Variants in NBEA observed in about 807,000 individuals in gnomAD.
The protein encoded by NBEA is neurobeachin, also known as lysosomal-trafficking regulator 2.
Under a neutral mutation model 343.4 loss-of-function variants are expected in NBEA, and 44 were observed. That is an observed-to-expected ratio of 0.13 (90% CI 0.10 to 0.16). The LOEUF (loss-of-function observed/expected upper bound fraction) is 0.16. Ranked by LOEUF, NBEA falls within the 10% of genes least tolerant of loss-of-function variation. The pLI is 1.00. For missense variants in NBEA, 2,555 were observed against 3,631.3 expected (o/e 0.70, Z 7.62); for synonymous variants, 1,175 against 1,238.7 (o/e 0.95, Z 1.08).
chr13:35,148,235 G>A (rs148579326), intron 18 of NBEA, among the ~76,000 whole-genome samples: 18 of 152,276 alleles, frequency 1.2e-4, no homozygotes, highest in African/African-American at 4.1e-4. Flanking sequence ...GGGAGTGTGG[G>A]TGTACTCAAG....
chr13:34,987,918 C>G (rs2060613225), intron 1 of NBEA, among the ~76,000 whole-genome samples: 1 of 150,800 alleles, frequency 6.6e-6, no homozygotes, highest in Non-Finnish European at 1.5e-5. Flanking sequence ...AGGTTTTTAG[C>G]TTCCTTGCAA....
intron 1 of NBEA, among the ~76,000 whole-genome samples, chr13:34,997,710 C>T (rs1263711057): frequency 1.3e-5 from 2 of 152,146 alleles, no homozygotes; most frequent in African/African-American, 4.8e-5. Flanking sequence ...AAGATTCTCA[C>T]TTTTGAGGCT....
chr13:35,600,986 G>A (rs151276426), intron 47 of NBEA, among the ~76,000 whole-genome samples: 182 of 152,244 alleles, frequency 1.2e-3, no homozygotes, highest in African/African-American at 4.2e-3. Flanking sequence ...ACACTAGCCT[G>A]GCCAACATGG....
At chr13:34,950,671 A>G (rs1593263033) in intron 1 of NBEA, among the ~76,000 whole-genome samples, 1 of 152,118 alleles carries the variant, frequency 6.6e-6, no homozygotes, top group East Asian at 1.9e-4. Context: ...AAAAATGTTT[A>G]CTTGTCAAAG....
intron 36 of NBEA, among the ~76,000 whole-genome samples, chr13:35,346,036 A>T (rs1375176813): frequency 1.3e-5 from 2 of 152,104 alleles, no homozygotes; most frequent in African/African-American, 4.8e-5. Flanking sequence ...GGCAGAACTC[A>T]TAAGTGCCCA....
intron 57 of NBEA, 23 bp from the exon 58 acceptor site, chr13:35,668,345 T>G: frequency 6.4e-7 from 1 of 1,553,702 alleles, no homozygotes; most frequent in Non-Finnish European, 8.7e-7. Flanking sequence ...TTTTTTTGTT[T>G]GTTTGTTTTA....
rs567971075 is a variant in NBEA, at chr13:35,047,410, G to A, written c.724-1153G>A. On this transcript the variant is annotated intron_variant, in intron 4 of 58. Transcript: ENST00000379939. ...AGTTATAAATGATACTGTAGATTTA[G>A]GTATGGGAACAAAACTATGGGAACA... Among the ~76,000 whole-genome samples, 8 of 152,002 alleles carry A rather than the reference G, an allele frequency of 5.3e-5. No homozygotes were observed. The South Asian group carries it at 1.7e-3, about 32-fold the overall frequency.
At chr13:35,506,189 AGTAGC>A (rs2077066224) in intron 41 of NBEA, among the ~76,000 whole-genome samples, 1 of 152,164 alleles carries the variant, frequency 6.6e-6, no homozygotes, top group Non-Finnish European at 1.5e-5. Flanking sequence ...CAGCCTTCAG[AGTAGC>A]TGGGACTACA....
At chr13:35,358,753 T>C (rs978104824) in intron 38 of NBEA, among the ~76,000 whole-genome samples, 13 of 152,044 alleles carry the variant, frequency 8.6e-5, no homozygotes, top group African/African-American at 3.1e-4. Flanking sequence ...GATATAAAAC[T>C]TTGGCAAATG....
intron 1 of NBEA, among the ~76,000 whole-genome samples, chr13:35,020,433 CTT>C (rs1311981222): frequency 1.3e-5 from 2 of 152,066 alleles, no homozygotes; most frequent in Non-Finnish European, 2.9e-5. Context: ...TTCTTGTACG[CTT>C]TTAGAAGGCT....
At position 35,070,043 on chromosome 13, in the gene NBEA, G is replaced by A; in HGVS notation, c.1375G>A (p.Glu459Lys). The stretch of plus-strand genomic sequence containing the variant: ...GGCCACTGATGCTCAGCTCTGCCTG[G>A]AATCATCACCAAAAGAGAATGCATC... Reference protein sequence around the residue: ...AKATDAQLCLESSPKENASIF... With the variant: ...AKATDAQLCLKSSPKENASIF... Residue 459 changes from glutamate (E) to lysine (K), a missense_variant, in exon 9 of 59, where the codon GAA (glutamate) becomes AAA (lysine). This residue lies in a region of NBEA where 75 missense variants were observed against 237.4 expected (regional missense o/e 0.32). Coordinates refer to ENST00000379939, the MANE Select transcript of NBEA (RefSeq NM_001385012.1). 1 of 1,604,740 alleles carries A rather than the reference G, an allele frequency of 6.2e-7. No homozygotes were observed. Among genetic ancestry groups the A allele is most frequent in the Non-Finnish European group, 8.5e-7 (1 of 1,175,896 alleles).
At chr13:35,067,170 G>C (rs747934495) in intron 8 of NBEA, among the ~76,000 whole-genome samples, 1 of 152,104 alleles carries the variant, frequency 6.6e-6, no homozygotes, top group Non-Finnish European at 1.5e-5. Context: ...TAAAGAAGCT[G>C]AGAGAAGAAA....
chr13:35,074,491 C>G (rs1301218350), intron 10 of NBEA, among the ~76,000 whole-genome samples: 1 of 152,036 alleles, frequency 6.6e-6, no homozygotes, highest in Non-Finnish European at 1.5e-5. Context: ...ATTAAAAATA[C>G]ACCAGGAGAA....
intron 1 of NBEA, among the ~76,000 whole-genome samples, chr13:34,962,548 G>C (rs541899704): frequency 6.6e-6 from 1 of 152,026 alleles, no homozygotes; most frequent in African/African-American, 2.4e-5. Flanking sequence ...AATTGAAAAC[G>C]TTACAGAGTT....
intron 38 of NBEA, among the ~76,000 whole-genome samples, chr13:35,416,699 C>T (rs9544293): frequency 0.49 from 73,749 of 151,674 alleles, 19,408 homozygotes; most frequent in African/African-American, 0.69. Context: ...AAAATTCTCT[C>T]TTTTTTGTTG....
At chr13:35,661,303 T>C (rs531602142) in intron 55 of NBEA, among the ~76,000 whole-genome samples, 28 of 152,200 alleles carry the variant, frequency 1.8e-4, no homozygotes, top group Non-Finnish European at 3.7e-4. Context: ...AGTAATGTAC[T>C]GTGACCTAGA....
In NBEA at chr13:35,025,826, G is replaced by A. The variant is rs552380517; in HGVS notation, c.295-15107G>A. ...TTTACAGACTCAGGTTATTATATTA[G>A]GTTATTCTAATGATCAGTGAGAGGT... On this transcript the variant is annotated intron_variant, in intron 1 of 58. Coordinates refer to ENST00000379939, the MANE Select transcript of NBEA (RefSeq NM_001385012.1). Among the ~76,000 whole-genome samples, 5 of 152,012 alleles carry A rather than the reference G, an allele frequency of 3.3e-5. No individual in the cohort carries two copies. The South Asian group carries it at 1.0e-3, about 32-fold the overall frequency.
chr13:35,014,348 C>A (rs1408974461), intron 1 of NBEA, among the ~76,000 whole-genome samples: 1 of 152,112 alleles, frequency 6.6e-6, no homozygotes, highest in East Asian at 1.9e-4. Context: ...TTGATTTTTA[C>A]CACTTTTAGG....
chr13:34,954,878 C>T lies in NBEA; in HGVS notation c.294+11764C>T, dbSNP rs188510746. Among the ~76,000 whole-genome samples the T allele has an allele frequency of 2.6e-3, 389 of 152,216 alleles. 3 individuals are homozygous for T. The highest frequency in any genetic ancestry group is 1.9e-3 in the Non-Finnish European group (130 of 68,006). On this transcript the variant is annotated intron_variant, in intron 1 of 58. Transcript: ENST00000379939. ...ATCTATTTTTTAAAAGAAATATTTT[C>T]GATCCCCTATTGGTTGAATCTATGG...
Sources: gnomAD v4.1 joint callset for allele counts (sites outside exome capture counted in the v4.1 genomes callset) on GRCh38, gnomAD v4.1.1 for gene constraint, gnomAD v4.1.1 regional missense constraint, MANE v1.5 for transcripts, NCBI Gene and HGNC (gene_info 2026-07-23, HGNC 2026-07-21) for gene names.